The following PLPPR1 variants were observed in gnomAD, a reference collection of about 807,000 sequenced individuals.
The protein encoded by PLPPR1 is phospholipid phosphatase related 1, also known as phospholipid phosphatase-related protein type 1.
A neutral mutation model predicts 33.1 loss-of-function variants in PLPPR1; 10 were observed. The ratio of observed to expected loss-of-function variants is 0.30; its 90% CI spans 0.19 to 0.51. The LOEUF is 0.51. Ranked by LOEUF, PLPPR1 falls within the 20% of genes least tolerant of loss-of-function variation. The pLI is 0.97. For synonymous variants in PLPPR1, 151 were observed against 151.0 expected (o/e 1.00, Z 0.00); for missense variants, 304 against 408.1 (o/e 0.74, Z 2.20).
intron 1 of PLPPR1, among the ~76,000 whole-genome samples, chr9:101,168,193 G>T (rs957612474): frequency 6.6e-6 from 1 of 152,120 alleles, no homozygotes; most frequent in African/African-American, 2.4e-5. Flanking sequence ...CTAAAGGATA[G>T]TGGCACCTAA....
intron 2 of PLPPR1, among the ~76,000 whole-genome samples, chr9:101,219,977 G>A (rs1239320595): frequency 9.2e-5 from 14 of 152,122 alleles, no homozygotes; most frequent in Non-Finnish European, 1.9e-4. Flanking sequence ...TAGTATTCTG[G>A]CAGAAATAAT....
chr9:101,061,674 T>C (rs1830349521), intron 1 of PLPPR1, among the ~76,000 whole-genome samples: 1 of 144,510 alleles, frequency 6.9e-6, no homozygotes, highest in Non-Finnish European at 1.5e-5. Context: ...CTGTATTCCC[T>C]AGACTTGTTA....
chr9:101,151,760 T>C (rs2118651132), intron 1 of PLPPR1, among the ~76,000 whole-genome samples: 1 of 152,288 alleles, frequency 6.6e-6, no homozygotes, highest in East Asian at 1.9e-4. Flanking sequence ...GAACATGGCC[T>C]CAGAATCTTT....
In PLPPR1 at chr9:101,114,587, G is replaced by A. The variant is rs1831097070; in HGVS notation, c.-45-70863G>A. On this transcript the variant is annotated intron_variant, in intron 1 of 7. Transcript: ENST00000374874. ...GCCATTGCTCCCCACTGGGAGGCAG[G>A]AAGGTAAGGAAGCCAGCTGATGTGA... Among the ~76,000 whole-genome samples the A allele has an allele frequency of 2.0e-5, 3 of 152,344 alleles. No individual in the cohort carries two copies. The South Asian group carries it at 6.2e-4, about 32-fold the overall frequency.
rs144462250 is a variant in PLPPR1, at chr9:101,081,255, A to T, written c.-46+52153A>T. Among the ~76,000 whole-genome samples the T allele has an allele frequency of 5.1e-3, 776 of 151,998 alleles. 1 individual carries two copies. The highest frequency in any genetic ancestry group is 0.01 in the Middle Eastern group (3 of 294). ...TTTTGAGACAGAGTCTCGCTCTGTCACCCGGGCTGGAGTGCAGTGGTGCGA... is the reference window on the plus strand; with the variant it reads ...TTTTGAGACAGAGTCTCGCTCTGTCTCCCGGGCTGGAGTGCAGTGGTGCGA... On this transcript the variant is annotated intron_variant, in intron 1 of 7. Transcript: ENST00000374874.
chr9:101,302,040 A>T (rs1029755518), intron 4 of PLPPR1, among the ~76,000 whole-genome samples: 11 of 152,188 alleles, frequency 7.2e-5, no homozygotes, highest in Admixed American at 2.6e-4. Context: ...ATGATTAAGA[A>T]TATAGCCTCT....
intron 2 of PLPPR1, among the ~76,000 whole-genome samples, chr9:101,196,963 T>C (rs1344181390): frequency 6.6e-6 from 1 of 152,224 alleles, no homozygotes; most frequent in East Asian, 1.9e-4. Context: ...AAGCAGTATG[T>C]AATCTGAGTT....
At chr9:101,197,918 C>T (rs1224294775) in intron 2 of PLPPR1, among the ~76,000 whole-genome samples, 2 of 152,118 alleles carry the variant, frequency 1.3e-5, no homozygotes, top group Non-Finnish European at 2.9e-5. Flanking sequence ...GAGAGTTGCT[C>T]TTTCTAATAC....
intron 1 of PLPPR1, among the ~76,000 whole-genome samples, chr9:101,182,810 C>T (rs754271275): frequency 1.1e-4 from 17 of 151,382 alleles, no homozygotes; most frequent in Non-Finnish European, 2.2e-4. Context: ...AATAATAAGA[C>T]GAACAACCCA....
At chr9:101,135,317 G>A (rs1008176448) in intron 1 of PLPPR1, among the ~76,000 whole-genome samples, 3 of 152,124 alleles carry the variant, frequency 2.0e-5, no homozygotes, top group East Asian at 1.9e-4. Context: ...CCCCAAACAA[G>A]CCATTTGGTT....
At chr9:101,315,271 T>C (rs1829031142) in intron 6 of PLPPR1, among the ~76,000 whole-genome samples, 1 of 152,182 alleles carries the variant, frequency 6.6e-6, no homozygotes, top group Non-Finnish European at 1.5e-5. Context: ...CCTGAGGAAT[T>C]TTTTTAAGAA....
intron 1 of PLPPR1, among the ~76,000 whole-genome samples, chr9:101,051,024 A>G (rs919628474): frequency 6.6e-6 from 1 of 152,054 alleles, no homozygotes; most frequent in Non-Finnish European, 1.5e-5. Flanking sequence ...TGATCCTTTC[A>G]TAGTTTCATC....
chr9:101,061,579 G>A lies in PLPPR1; in HGVS notation c.-46+32477G>A, dbSNP rs542976237. Among the ~76,000 whole-genome samples the A allele has an allele frequency of 4.5e-4, 68 of 151,980 alleles. 1 individual carries two copies. In the East Asian group the frequency reaches 0.012, roughly 27 times the overall value. ...GCCATCACTTTTAATGGCAAAAAGT[G>A]CAATTACATTTGCACCAACCTAGTA... On this transcript the variant is annotated intron_variant, in intron 1 of 7. Coordinates refer to ENST00000374874, the MANE Select transcript of PLPPR1 (RefSeq NM_207299.2).
At chr9:101,314,516 C>T (rs552188850) in intron 6 of PLPPR1, among the ~76,000 whole-genome samples, 2 of 151,978 alleles carry the variant, frequency 1.3e-5, no homozygotes, top group Non-Finnish European at 2.9e-5. Context: ...TAAAGCTAGG[C>T]ACACAATTTT....
At chr9:101,142,847 A>C (rs1314903302) in intron 1 of PLPPR1, among the ~76,000 whole-genome samples, 2 of 152,240 alleles carry the variant, frequency 1.3e-5, no homozygotes, top group East Asian at 3.9e-4. Flanking sequence ...GATGCAACTG[A>C]GATCAGATTG....
At chr9:101,192,308 G>A (rs1826309888) in intron 2 of PLPPR1, among the ~76,000 whole-genome samples, 1 of 152,140 alleles carries the variant, frequency 6.6e-6, no homozygotes, top group Non-Finnish European at 1.5e-5. Context: ...CTCTAAAGAA[G>A]CAAAAGAGGC....
At chr9:101,293,139 C>T (rs1216417686) in intron 4 of PLPPR1, among the ~76,000 whole-genome samples, 4 of 151,710 alleles carry the variant, frequency 2.6e-5, no homozygotes, top group African/African-American at 9.7e-5. Flanking sequence ...CAAAAAAAGG[C>T]AGGGGTTGCA....
chr9:101,106,452 C>G (rs10481701), intron 1 of PLPPR1, among the ~76,000 whole-genome samples: 1 of 105,412 alleles, frequency 9.5e-6, no homozygotes, highest in Non-Finnish European at 1.9e-5. Context: ...AAAATTCTTT[C>G]CTTTAAGAAT....
At chr9:101,182,831 G>A (rs1826138639) in intron 1 of PLPPR1, among the ~76,000 whole-genome samples, 1 of 151,530 alleles carries the variant, frequency 6.6e-6, no homozygotes, top group African/African-American at 2.4e-5. Flanking sequence ...ACCACAAAAG[G>A]TATTTGAATA....
Sources: allele counts gnomAD v4.1 joint callset (sites outside exome capture counted in the v4.1 genomes callset), GRCh38; gene constraint gnomAD v4.1.1; transcripts MANE v1.5; gene names NCBI Gene and HGNC (gene_info 2026-07-23, HGNC 2026-07-21).